The following MAST2 variants were observed in gnomAD, a reference collection of about 807,000 sequenced individuals.
MAST2 encodes microtubule-associated serine/threonine-protein kinase 2.
In MAST2, 70 loss-of-function variants were observed where a neutral mutation model predicts 147.4. The ratio of observed to expected loss-of-function variants is 0.47; its 90% CI spans 0.39 to 0.58. MAST2 has a LOEUF of 0.58. MAST2 is among the 20% of genes least tolerant of loss of function. The pLI, the probability that MAST2 is intolerant of heterozygous loss-of-function variation, is 0.00. For synonymous variants in MAST2, 869 were observed against 896.8 expected, an observed-to-expected ratio of 0.97 and a Z score of 0.55; for missense variants, 2,080 against 2,302.3, an observed-to-expected ratio of 0.90 and a Z score of 1.98.
At chr1:45,809,846 T>C (rs1049112722) in intron 1 of MAST2, among the ~76,000 whole-genome samples, 1 of 152,200 alleles carries the variant, frequency 6.6e-6, no homozygotes, top group African/African-American at 2.4e-5. Context: ...CAAAAATGAC[T>C]GGAAAGCACA....
chr1:45,865,688 G>T (rs1646124764), intron 3 of MAST2, among the ~76,000 whole-genome samples: 1 of 152,116 alleles, frequency 6.6e-6, no homozygotes. Flanking sequence ...TAGGTAGTTT[G>T]TTAGATGAAG....
intron 2 of MAST2, among the ~76,000 whole-genome samples, chr1:45,827,089 A>C (rs1644817200): frequency 6.6e-6 from 1 of 152,064 alleles, no homozygotes; most frequent in Non-Finnish European, 1.5e-5. Context: ...CGGCCTCCCA[A>C]AGTGCTGGAA....
Position 45,902,347 on chromosome 1 carries a change from C to A in MAST2, c.500+19952C>A, listed in dbSNP as rs190116275. 1.7e-3 allele frequency among the ~76,000 whole-genome samples: 263 copies of A among 152,146 alleles called. 1 individual carries two copies. Among genetic ancestry groups the A allele is most frequent in the Middle Eastern group, 6.8e-3 (2 of 294 alleles). On this transcript the variant is annotated intron_variant, in intron 4 of 28. Transcript: ENST00000361297. ...AGGCATAAAACCATTTGATCATGAT[C>A]CAGTTATCATCTTGATGTGCTGCTG... is the stretch of plus-strand genomic sequence containing the variant.
At chr1:45,952,257 G>C (rs888144926) in intron 4 of MAST2, among the ~76,000 whole-genome samples, 1 of 152,186 alleles carries the variant, frequency 6.6e-6, no homozygotes, top group Non-Finnish European at 1.5e-5. Context: ...AACATGCTGA[G>C]TAAAAGAAGC....
At chr1:45,812,084 T>C (rs981585679) in intron 1 of MAST2, among the ~76,000 whole-genome samples, 1 of 152,038 alleles carries the variant, frequency 6.6e-6, no homozygotes. Flanking sequence ...AGCAGTATAT[T>C]CTTATTTGTG....
At chr1:45,856,231 G>GATTT (rs1645784705) in intron 3 of MAST2, among the ~76,000 whole-genome samples, 1 of 152,124 alleles carries the variant, frequency 6.6e-6, no homozygotes, top group African/African-American at 2.4e-5. Flanking sequence ...AGGCTGAGGT[G>GATTT]GGGGGATTGC....
chr1:45,867,136 A>G (rs1346395370), intron 3 of MAST2, among the ~76,000 whole-genome samples: 3 of 152,262 alleles, frequency 2.0e-5, no homozygotes, highest in Admixed American at 2.0e-4. Flanking sequence ...CTAACGCTTG[A>G]AAAGCAGCAG....
chr1:45,808,596 T>C (rs1450160898), intron 1 of MAST2, among the ~76,000 whole-genome samples: 3 of 152,216 alleles, frequency 2.0e-5, no homozygotes, highest in Non-Finnish European at 4.4e-5. Flanking sequence ...ATGAAATCTT[T>C]CAAACCATTA....
chr1:46,028,997 A>G, intron 18 of MAST2, 64 bp downstream of exon 18: 1 of 1,500,512 alleles, frequency 6.7e-7, no homozygotes, highest in Non-Finnish European at 8.9e-7. Flanking sequence ...TGATGTATGC[A>G]GGCAGCTCGT....
intron 27 of MAST2, 37 bp from the exon 28 acceptor site, chr1:46,034,036 A>G: frequency 6.2e-7 from 1 of 1,607,540 alleles, no homozygotes; most frequent in Non-Finnish European, 8.5e-7. Flanking sequence ...TGCTGTGCTC[A>G]CTGCACCGAC....
chr1:45,920,619 T>G (rs542492045), intron 4 of MAST2, among the ~76,000 whole-genome samples: 2 of 152,314 alleles, frequency 1.3e-5, no homozygotes, highest in South Asian at 2.1e-4. Flanking sequence ...TCTTATTGCT[T>G]TATGAGATTA....
chr1:45,890,929 A>C (rs116142430), intron 4 of MAST2, among the ~76,000 whole-genome samples: 2 of 152,230 alleles, frequency 1.3e-5, no homozygotes, highest in Non-Finnish European at 2.9e-5. Flanking sequence ...ATATAGTTGC[A>C]TAATAACAAA....
intron 3 of MAST2, among the ~76,000 whole-genome samples, chr1:45,832,978 A>G (rs1369740612): frequency 6.6e-6 from 1 of 152,156 alleles, no homozygotes. Context: ...ACACTAGGCA[A>G]CCACTAATCT....
At chr1:45,956,207 A>T (rs1417234449) in intron 4 of MAST2, among the ~76,000 whole-genome samples, 1 of 152,150 alleles carries the variant, frequency 6.6e-6, no homozygotes, top group African/African-American at 2.4e-5. Flanking sequence ...TACTTTTGAG[A>T]AAATTTTTAT....
intron 5 of MAST2, among the ~76,000 whole-genome samples, chr1:45,990,190 T>G (rs1266643548): frequency 1.3e-5 from 2 of 152,254 alleles, no homozygotes; most frequent in African/African-American, 4.8e-5. Context: ...GCATTCCTAC[T>G]AACAATAACA....
intron 3 of MAST2, among the ~76,000 whole-genome samples, chr1:45,852,992 A>G (rs1308425337): frequency 1.3e-5 from 2 of 151,930 alleles, no homozygotes; most frequent in African/African-American, 4.8e-5. Flanking sequence ...GTGCAGTGGC[A>G]TGATCTTGGG....
intron 3 of MAST2, among the ~76,000 whole-genome samples, chr1:45,857,658 T>G (rs1482895958): frequency 6.6e-6 from 1 of 152,112 alleles, no homozygotes; most frequent in Non-Finnish European, 1.5e-5. Flanking sequence ...TGTGCAGGTT[T>G]GTTACATATG....
chr1:45,841,872 G>A (rs749081242), intron 3 of MAST2, among the ~76,000 whole-genome samples: 1 of 152,166 alleles, frequency 6.6e-6, no homozygotes, highest in Admixed American at 6.6e-5. Flanking sequence ...TATTACATTT[G>A]TAGACTTTGG....
chr1:46,007,990 T>C (rs1389967463), intron 8 of MAST2, among the ~76,000 whole-genome samples: 1 of 152,150 alleles, frequency 6.6e-6, no homozygotes, highest in Non-Finnish European at 1.5e-5. Flanking sequence ...CAGAGAATCC[T>C]ACTCCAGGGG....
Sources: gnomAD v4.1 joint callset for allele counts (sites outside exome capture counted in the v4.1 genomes callset) on GRCh38, gnomAD v4.1.1 for gene constraint, MANE v1.5 for transcripts, NCBI Gene and HGNC (gene_info 2026-07-23, HGNC 2026-07-21) for gene names.